Variants in SYNPO2 observed in about 807,000 individuals in gnomAD.
SYNPO2 encodes synaptopodin-2.
SYNPO2 carries 56 observed loss-of-function variants against 85.0 expected under a neutral mutation model. The observed-to-expected ratio is 0.66, with a 90% CI of 0.53 to 0.82. The LOEUF (loss-of-function observed/expected upper bound fraction) is 0.82, where lower values mean the gene tolerates loss of function less well. Among genes scored for constraint, SYNPO2 ranks in the 40% least tolerant of loss-of-function variants. The pLI, the probability that SYNPO2 is intolerant of heterozygous loss-of-function variation, is 0.00. For synonymous variants in SYNPO2, 602 were observed against 591.1 expected, an observed-to-expected ratio of 1.02 and a Z score of -0.27; for missense variants, 1,575 against 1,534.2, an observed-to-expected ratio of 1.03 and a Z score of -0.44.
chr4:118,915,169 T>A (rs1281600426), intron 1 of SYNPO2, among the ~76,000 whole-genome samples: 1 of 152,056 alleles, frequency 6.6e-6, no homozygotes, highest in Non-Finnish European at 1.5e-5. Flanking sequence ...AATTCTTAGT[T>A]CATAGCACAC....
chr4:118,988,632 A>G (rs1736305132), intron 1 of SYNPO2, among the ~76,000 whole-genome samples: 1 of 152,160 alleles, frequency 6.6e-6, no homozygotes, highest in African/African-American at 2.4e-5. Context: ...GTGGGCTTTT[A>G]TTTTTATTAA....
intron 1 of SYNPO2, among the ~76,000 whole-genome samples, chr4:118,926,273 A>G (rs1733707581): frequency 6.6e-6 from 1 of 152,180 alleles, no homozygotes; most frequent in Non-Finnish European, 1.5e-5. Flanking sequence ...GAACTATTCA[A>G]AGCATTAGCA....
chr4:119,053,487 C>G (rs577808255), intron 4 of SYNPO2, among the ~76,000 whole-genome samples: 14 of 152,294 alleles, frequency 9.2e-5, no homozygotes, highest in African/African-American at 3.4e-4. Flanking sequence ...GCTGGTTGCT[C>G]TTCTTTCCTC....
intron 1 of SYNPO2, among the ~76,000 whole-genome samples, chr4:118,891,213 A>G (rs1266763784): frequency 6.6e-6 from 1 of 152,166 alleles, no homozygotes; most frequent in African/African-American, 2.4e-5. Flanking sequence ...TTTTCAAAAG[A>G]TCATTATTAA....
At chr4:119,036,933 A>G in intron 4 of SYNPO2, 1 of 1,213,074 alleles carries the variant, frequency 8.2e-7, no homozygotes, top group African/African-American at 1.6e-5. Context: ...TCCCAAGTAT[A>G]CAGGGGAGAA....
intron 1 of SYNPO2, among the ~76,000 whole-genome samples, chr4:118,921,427 T>C (rs891499143): frequency 6.6e-6 from 1 of 152,100 alleles, no homozygotes; most frequent in Non-Finnish European, 1.5e-5. Flanking sequence ...CTAGAACATC[T>C]ATCTGCCCAT....
At chr4:118,883,641 G>C (rs901197581) in intron 1 of SYNPO2, among the ~76,000 whole-genome samples, 3 of 151,932 alleles carry the variant, frequency 2.0e-5, no homozygotes, top group African/African-American at 2.4e-5. Context: ...CATAGAATTA[G>C]AGTTAGTCCC....
In SYNPO2 at chr4:119,029,949, A is replaced by C. The variant is rs1444386284; in HGVS notation, c.1174A>C (p.Lys392Gln). Reference protein sequence around the residue: ...LLTDAPNPNSKGVLMFKKRRR... With the variant: ...LLTDAPNPNSQGVLMFKKRRR... The stretch of plus-strand genomic sequence containing the variant: ...AACGGATGCTCCCAACCCCAACTCC[A>C]AGGGGGTGTTGATGTTTAAGAAGCG... Residue 392 changes from lysine to glutamine, a missense_variant, in exon 4 of 5, where the codon AAG (lysine) becomes CAG (glutamine). By Grantham distance (53) the Lys-to-Gln change is moderately conservative (BLOSUM62 1). Transcript: ENST00000307142. 1 of 1,613,916 alleles carries C rather than the reference A, an allele frequency of 6.2e-7. No homozygotes were observed. The highest frequency in any genetic ancestry group is 1.3e-5 in the African/African-American group (1 of 74,882).
rs549039085 is a variant in SYNPO2, at chr4:119,038,092, T to C, written c.3252+6065T>C. On this transcript the variant is annotated intron_variant, in intron 4 of 4. Coordinates refer to ENST00000307142, the MANE Select transcript of SYNPO2 (RefSeq NM_133477.3). Reference sequence around the variant, plus strand: ...GCAGTGGATTAGGGTTAGATTTAGATATTTGTCTGGCATCCAAACCTGTGC... The same window carrying C: ...GCAGTGGATTAGGGTTAGATTTAGACATTTGTCTGGCATCCAAACCTGTGC... 1.4e-4 allele frequency: 131 copies of C among 957,308 alleles called. 2 individuals are homozygous for C. The South Asian group carries it at 5.7e-3, about 41-fold the overall frequency. The allele number at this position is 957,308 out of a possible 1,614,324, so 59.3% of individuals were successfully genotyped here.
At chr4:118,888,146 T>G (rs1440173365), upstream of SYNPO2, among the ~76,000 whole-genome samples, 1 of 152,168 alleles carries the variant, frequency 6.6e-6, no homozygotes, top group Non-Finnish European at 1.5e-5. Context: ...GGGTTTGGGT[T>G]TAAGAAGATC....
chr4:118,878,571 G>A (rs1285895981), intron 1 of SYNPO2, among the ~76,000 whole-genome samples: 1 of 152,032 alleles, frequency 6.6e-6, no homozygotes, highest in African/African-American at 2.4e-5. Context: ...CTAGCTAAAG[G>A]TTTGTAAACG....
At chr4:118,977,775 G>A (rs1735849534) in intron 1 of SYNPO2, among the ~76,000 whole-genome samples, 3 of 152,192 alleles carry the variant, frequency 2.0e-5, no homozygotes, top group Admixed American at 2.0e-4. Flanking sequence ...GGCCTTCTTT[G>A]AACGTATATC....
At chr4:118,958,129 G>C (rs1208387271) in intron 1 of SYNPO2, among the ~76,000 whole-genome samples, 2 of 151,952 alleles carry the variant, frequency 1.3e-5, no homozygotes, top group Non-Finnish European at 2.9e-5. Flanking sequence ...ATCTTTCAAG[G>C]GACTTTACTC....
intron 2 of SYNPO2, 124 bp downstream of exon 2, chr4:119,023,705 ATAGT>A (rs1318871915): frequency 8.9e-7 from 1 of 1,121,072 alleles, no homozygotes; most frequent in Admixed American, 3.0e-5. Flanking sequence ...AAGGTTAGGT[ATAGT>A]TAAACAGAAA....
At chr4:118,861,688 T>G (rs1271056907) in intron 1 of SYNPO2, among the ~76,000 whole-genome samples, 1 of 152,190 alleles carries the variant, frequency 6.6e-6, no homozygotes, top group Non-Finnish European at 1.5e-5. Flanking sequence ...TCTGTTATAT[T>G]CTACTGGTGT....
At chr4:118,875,103 G>C (rs1383223255) in intron 1 of SYNPO2, among the ~76,000 whole-genome samples, 2 of 152,194 alleles carry the variant, frequency 1.3e-5, no homozygotes, top group Admixed American at 6.5e-5. Flanking sequence ...GTGAGAACGT[G>C]CGGTATTTGG....
Position 119,030,518 on chromosome 4 carries a change from G to T in SYNPO2, c.1743G>T (p.Arg581Ser). 4 of 1,614,088 alleles carry T rather than the reference G, an allele frequency of 2.5e-6. No homozygotes were observed. Among genetic ancestry groups the T allele is most frequent in the Non-Finnish European group, 3.4e-6 (4 of 1,179,980 alleles). Residue 581 changes from arginine to serine, a missense_variant, in exon 4 of 5, where the codon AGG becomes AGT. Physicochemically the swap from Arg to Ser is moderately radical, Grantham distance 110. Around this residue, in one of 3 missense-constraint regions of SYNPO2, gnomAD observed 1,508 missense variants for 1,446.8 expected, o/e 1.04. Coordinates refer to ENST00000307142, the MANE Select transcript of SYNPO2 (RefSeq NM_133477.3). Reference protein sequence around the residue: ...SGTSETANIQRMVPMNRTAKP... With the variant: ...SGTSETANIQSMVPMNRTAKP... ...CATCTGAGACAGCAAACATCCAGAGGATGGTCCCCATGAATAGAACGGCCA... is the reference window on the plus strand; with the variant it reads ...CATCTGAGACAGCAAACATCCAGAGTATGGTCCCCATGAATAGAACGGCCA...
rs1732624077 is a variant in SYNPO2, at chr4:118,898,618, A to G, written c.105+9477A>G. ...GAGGAAACTGAGGCTTAGAGAAGTT[A>G]AGTAAAAAATTGAAGATCATATAGT... On this transcript the variant is annotated intron_variant, in intron 1 of 4. Transcript: ENST00000307142. Among the ~76,000 whole-genome samples the G allele has an allele frequency of 2.0e-5, 3 of 152,328 alleles. No homozygotes were observed. In the South Asian group the frequency reaches 6.2e-4, roughly 32 times the overall value.
At chr4:118,940,770 G>A (rs1734282598) in intron 1 of SYNPO2, among the ~76,000 whole-genome samples, 1 of 152,166 alleles carries the variant, frequency 6.6e-6, no homozygotes, top group South Asian at 2.1e-4. Context: ...GACAGAGTGA[G>A]GCTGGGAGGA....
Sources: allele counts gnomAD v4.1 joint callset (sites outside exome capture counted in the v4.1 genomes callset), GRCh38; gene constraint gnomAD v4.1.1; regional missense constraint gnomAD v4.1.1; transcripts MANE v1.5; gene names NCBI Gene and HGNC (gene_info 2026-07-23, HGNC 2026-07-21).